KLC3: variants seen among roughly 807,000 people sequenced by gnomAD.
The protein encoded by KLC3 is kinesin light chain 3, also known as kinesin light chain 2.
A neutral mutation model predicts 62.9 loss-of-function variants in KLC3; 72 were observed. The observed-to-expected ratio is 1.15, with a 90% CI of 0.95 to 1.39. The LOEUF is 1.39. Among genes scored for constraint, KLC3 ranks in the 40% most tolerant of loss-of-function variants. The pLI is 0.00. For synonymous variants in KLC3, 377 were observed against 300.5 expected (o/e 1.25, Z -2.63); for missense variants, 848 against 691.6 (o/e 1.23, Z -2.54).
At position 45,345,802 on chromosome 19, in the gene KLC3, A is replaced by G; in HGVS notation, c.258+3A>G. On this transcript the variant is annotated splice_donor_region_variant and intron_variant, in intron 2 of 12. Transcript: ENST00000391946. Reference sequence around the variant, plus strand: ...AGCTGGGGCTGGGCGAGGCCCAGGTATGAGGGGGCCAGGTGGGGAGCTGGG... The same window carrying G: ...AGCTGGGGCTGGGCGAGGCCCAGGTGTGAGGGGGCCAGGTGGGGAGCTGGG... 6.6e-7 allele frequency: 1 copy of G among 1,520,040 alleles called. No homozygotes were observed. Among genetic ancestry groups the G allele is most frequent in the Non-Finnish European group, 8.9e-7 (1 of 1,129,774 alleles). The allele number at this position is 1,520,040 out of a possible 1,614,324, so 94.2% of individuals were successfully genotyped here. A position where few individuals can be genotyped will look rare whatever the true frequency, so the allele number is the denominator to read the frequency against.
rs1384073490 is a variant in KLC3 at position 45,350,512 on chromosome 19, AGGTGCCCCCAACACAGGCACAGCT to A, written c.1238_1261del (p.Ala413_Gly420del). ...CTCAGTGTCCCCCATCTTTCCCCCT[AGGTGCCCCCAACACAGGCACAGCT>A]GGTGACGCAGAACAGGTGAGGATGG... On this transcript the variant is annotated splice_acceptor_variant and coding_sequence_variant, in exon 10 of 13. Coordinates refer to ENST00000391946, the MANE Select transcript of KLC3 (RefSeq NM_177417.3). LOFTEE classifies it high-confidence loss of function. 2 of 1,611,854 alleles carry A rather than the reference AGGTGCCCCCAACACAGGCACAGCT, an allele frequency of 1.2e-6. No individual in the cohort carries two copies. The highest frequency in any genetic ancestry group is 4.5e-5 in the East Asian group (2 of 44,744).
At chr19:45,351,067 C>T (rs377559301) in intron 12 of KLC3, 50 bp downstream of exon 12, 4 of 1,613,624 alleles carry the variant, frequency 2.5e-6, no homozygotes, top group Non-Finnish European at 3.4e-6. Context: ...TGGGTAGGTG[C>T]AGAGATGAGG....
rs771103877 is a variant in KLC3, at chr19:45,346,674, T to C, written c.389T>C (p.Leu130Pro). Residue 130 changes from leucine to proline, a missense_variant, in exon 3 of 13, where the codon CTT becomes CCT. Leu to Pro is a moderately conservative substitution (Grantham distance 98, BLOSUM62 -3). Transcript: ENST00000391946. The stretch of plus-strand genomic sequence containing the variant: ...GAACTGGAGGAGACGCAGCGGCGGC[T>C]TCGGGCCAGCGAGGAGTCCGTGGCC... ...REELEETQRR[L>P]RASEESVAQL... 5.1e-6 allele frequency: 8 copies of C among 1,559,262 alleles called. No individual in the cohort carries two copies. The highest frequency in any genetic ancestry group is 6.9e-6 in the Non-Finnish European group (8 of 1,153,568).
intron 8 of KLC3, 32 bp from the exon 9 acceptor site, chr19:45,350,309 C>T (rs371888025): frequency 7.2e-5 from 114 of 1,594,312 alleles, no homozygotes; most frequent in African/African-American, 2.7e-4. Flanking sequence ...AACTGGGGTC[C>T]GAAAAGTTCC....
intron 12 of KLC3, 56 bp from the exon 13 acceptor site, chr19:45,351,230 G>A (rs1375375945): frequency 2.1e-5 from 34 of 1,590,394 alleles, no homozygotes; most frequent in Non-Finnish European, 2.7e-5. Context: ...GCTGGAGGGT[G>A]GATGTAACAC....
rs1367404690 is a variant in KLC3 at position 45,341,796 on chromosome 19, T to TA, written c.-9+950_-9+951insA. On this transcript the variant is annotated intron_variant, in intron 1 of 12. Transcript: ENST00000391946. ...GTGTGCGTGTGTGTGTGTGTGTGTG[T>TA]GTGTGTAGAGAGGAACTAGAGGGTG... is the stretch of plus-strand genomic sequence containing the variant. Among the ~76,000 whole-genome samples, 327 of 140,704 alleles carry TA rather than the reference T, an allele frequency of 2.3e-3. 1 individual carries two copies. The highest frequency in any genetic ancestry group is 9.5e-3 in the African/African-American group (296 of 31,314). The allele number at this position is 140,704 out of a possible 152,430, so 92.3% of individuals were successfully genotyped here.
At chr19:45,347,143 G>A (rs1283475989) in intron 3 of KLC3, 1 of 418,740 alleles carries the variant, frequency 2.4e-6, no homozygotes, top group East Asian at 4.6e-5. Context: ...CGGATTTCAA[G>A]ACCAGCATGA....
At position 45,346,663 on chromosome 19, in the gene KLC3, G is replaced by T. The variant is rs780813891; in HGVS notation, c.378G>T (p.Thr126=). 3 of 1,557,938 alleles carry T rather than the reference G, an allele frequency of 1.9e-6. No individual in the cohort carries two copies. In the Admixed American group the frequency reaches 5.8e-5, roughly 30 times the overall value. ...NVWLREELEE[T]QRRLRASEES... The stretch of plus-strand genomic sequence containing the variant: ...GGCTGCGGGAGGAACTGGAGGAGAC[G>T]CAGCGGCGGCTTCGGGCCAGCGAGG... The change falls in exon 3 of 13, where the codon ACG becomes ACT. Residue 126 remains threonine, a synonymous_variant. Coordinates refer to ENST00000391946, the MANE Select transcript of KLC3 (RefSeq NM_177417.3).
chr19:45,346,742 C>T lies in KLC3; in HGVS notation c.457C>T (p.Leu153=), dbSNP rs771260803. The change falls in exon 3 of 13, where the codon CTG becomes TTG. Residue 153 remains leucine (L), a synonymous_variant. Coordinates refer to ENST00000391946, the MANE Select transcript of KLC3 (RefSeq NM_177417.3). ...EKRHLEFLGQ[L]RQYDPPAESQ... ...GCGCCACCTGGAGTTCCTGGGGCAG[C>T]TGCGACAGTACGACCCACCGGCGGA... 7.6e-6 allele frequency: 12 copies of T among 1,588,242 alleles called. No individual in the cohort carries two copies. In the Admixed American group the frequency reaches 2.1e-4, roughly 28 times the overall value.
At position 45,348,673 on chromosome 19, in the gene KLC3, A is replaced by G; in HGVS notation, c.807A>G (p.Thr269=). ...ACCAGAACAAGTACAAAGAAGCCAC[A>G]GACCTTCTCCATGATGCCCTGCAGA... ...YRDQNKYKEA[T]DLLHDALQIR... is the part of the protein sequence containing the mutation. The change falls in exon 6 of 13, where the codon ACA becomes ACG. Residue 269 remains threonine, a synonymous_variant. Coordinates refer to ENST00000391946, the MANE Select transcript of KLC3 (RefSeq NM_177417.3). The G allele has an allele frequency of 6.3e-7, 1 of 1,593,246 alleles. No homozygotes were observed.
At chr19:45,350,068 A>G (rs1469312915) in intron 8 of KLC3, 4 of 492,442 alleles carry the variant, frequency 8.1e-6, no homozygotes, top group Non-Finnish European at 1.5e-5. Flanking sequence ...GCCGAGCTCC[A>G]AACCCACTCT....
At chr19:45,347,870 C>T (rs1360400365) in intron 4 of KLC3, 71 bp from the exon 5 acceptor site, 60 of 1,277,316 alleles carry the variant, frequency 4.7e-5, no homozygotes, top group Non-Finnish European at 6.0e-5. Flanking sequence ...TTCTGAGGCA[C>T]GTGTCCCCTC....
At chr19:45,349,011 C>T in intron 7 of KLC3, 90 bp downstream of exon 7, 1 of 1,167,774 alleles carries the variant, frequency 8.6e-7, no homozygotes, top group Non-Finnish European at 1.2e-6. Context: ...GACCCTGACC[C>T]TCGGGCCCCT....
At chr19:45,350,049 G>A (rs1599714940) in intron 8 of KLC3, 1 of 470,238 alleles carries the variant, frequency 2.1e-6, no homozygotes, top group South Asian at 2.7e-5. Flanking sequence ...CCCCAGGGCA[G>A]GAAGTAAGGC....
intron 4 of KLC3, 38 bp downstream of exon 4, chr19:45,347,554 C>T (rs779885085): frequency 4.5e-6 from 7 of 1,561,108 alleles, no homozygotes; most frequent in Non-Finnish European, 6.1e-6. Context: ...GGATGGCAGG[C>T]CAGGGTGGGG....
At chr19:45,342,705 C>T (rs1282414386) in intron 1 of KLC3, among the ~76,000 whole-genome samples, 1 of 151,974 alleles carries the variant, frequency 6.6e-6, no homozygotes, top group Non-Finnish European at 1.5e-5. Context: ...AGGTGGAGAT[C>T]GCAGTGAGCC....
At position 45,345,604 on chromosome 19, in the gene KLC3, G is replaced by A; in HGVS notation, c.63G>A (p.Glu21=). 1 of 1,577,818 alleles carries A rather than the reference G, an allele frequency of 6.3e-7. No individual in the cohort carries two copies. Among genetic ancestry groups the A allele is most frequent in the Non-Finnish European group, 8.6e-7 (1 of 1,162,906 alleles). ...TGGGCCCAGAGCGCCTGAGCCCTGA[G>A]GAGCTGGTGCGGCAGACGCGGCAAG... ...AGLGPERLSP[E]ELVRQTRQVV... The change falls in exon 2 of 13, where the codon GAG becomes GAA. Residue 21 remains glutamate (E), a synonymous_variant. Transcript: ENST00000391946.
At position 45,348,297 on chromosome 19, in the gene KLC3, AGGAAG is replaced by A. The variant is rs1971558811; in HGVS notation, c.779+144_779+148del. ...GGGGAGGGGACAGCAAGAATGGGAA[AGGAAG>A]GGAAGGCTCCTGCTGTGAGAACGGC... On this transcript the variant is annotated intron_variant, in intron 5 of 12. Transcript: ENST00000391946. 16 of 803,682 alleles carry A rather than the reference AGGAAG, an allele frequency of 2.0e-5. No individual in the cohort carries two copies. The East Asian group carries it at 3.5e-4, about 18-fold the overall frequency. 49.8% of individuals were successfully genotyped at this position (803,682 alleles called of 1,614,324 possible).
At chr19:45,347,313 G>C (rs901735211) in intron 3 of KLC3, 134 bp from the exon 4 acceptor site, 7 of 646,690 alleles carry the variant, frequency 1.1e-5, no homozygotes, top group African/African-American at 7.8e-5. Context: ...TTGCACTCCA[G>C]CCTGTGCAAC....
Sources: allele counts gnomAD v4.1 joint callset (sites outside exome capture counted in the v4.1 genomes callset), GRCh38; gene constraint gnomAD v4.1.1; transcripts MANE v1.5; gene names NCBI Gene and HGNC (gene_info 2026-07-23, HGNC 2026-07-21).